The following PORCN variants were observed in gnomAD, a reference collection of about 807,000 sequenced individuals.
PORCN encodes the protein porcupine O-acyltransferase.
PORCN carries 1 observed loss-of-function variant against 43.0 expected under a neutral mutation model. That is an observed-to-expected ratio of 0.02 (90% confidence interval 0.01 to 0.11). The LOEUF (loss-of-function observed/expected upper bound fraction) is 0.11. Among genes scored for constraint, PORCN ranks in the 10% least tolerant of loss-of-function variants. The pLI is 1.00. For missense variants in PORCN, 240 were observed against 392.1 expected, an observed-to-expected ratio of 0.61 and a Z score of 3.28; for synonymous variants, 148 against 166.4, an observed-to-expected ratio of 0.89 and a Z score of 0.85.
intron 1 of PORCN, 113 bp from the exon 2 acceptor site, chrX:48,509,671 G>C: frequency 4.3e-6 from 5 of 1,153,705 alleles, no homozygotes; most frequent in Non-Finnish European, 5.8e-6. Context: ...CTCCAGTACC[G>C]TGCCTCTACA....
At position 48,516,072 on chromosome X, in the gene PORCN, C is replaced by A. The variant is rs1245335951; in HGVS notation, c.1099C>A (p.Arg367Ser). Residue 367 changes from arginine (R) to serine (S), a missense_variant, in exon 13 of 15, where the codon CGC becomes AGC. Arg to Ser is a moderately radical substitution (Grantham distance 110). Coordinates refer to ENST00000326194, the MANE Select transcript of PORCN (RefSeq NM_203475.3). ...ITYVEHVLRK[R>S]LARILSACVL... ...CCCCACCACCCTAGTCCTCCGGAAGCGCCTGGCTCGGATCCTCAGTGCCTG... is the reference window on the plus strand; with the variant it reads ...CCCCACCACCCTAGTCCTCCGGAAGAGCCTGGCTCGGATCCTCAGTGCCTG... The A allele has an allele frequency of 8.3e-7, 1 of 1,209,764 alleles. No homozygotes were observed. The highest frequency in any genetic ancestry group is 1.8e-5 in the African/African-American group (1 of 57,139).
chrX:48,516,217 G>A, intron 13 of PORCN, 71 bp downstream of exon 13: 1 of 1,012,860 alleles, frequency 9.9e-7, no homozygotes, highest in Non-Finnish European at 1.4e-6. Flanking sequence ...TCTCTATCTT[G>A]TATGTGTCTC....
chrX:48,512,809 CTTCT>C (rs781946023), intron 6 of PORCN, 22 bp from the exon 7 acceptor site: 10 of 1,212,379 alleles, frequency 8.2e-6, no homozygotes, highest in Non-Finnish European at 1.1e-5. Context: ...TCTCTTAATG[CTTCT>C]TTCTGTCTTC....
rs1470679248 is a variant in PORCN at position 48,514,591 on chromosome X, C to T, written c.912C>T (p.Ser304=). ...LPRSMVEVVT[S]WNLPMSYWLN... ...GGTCAATGGTGGAAGTTGTCACAAG[C>T]TGGAACCTGCCCATGTCTTATTGGC... The change falls in exon 10 of 15, where the codon AGC becomes AGT. Residue 304 remains serine, a synonymous_variant. Coordinates refer to ENST00000326194, the MANE Select transcript of PORCN (RefSeq NM_203475.3). The T allele has an allele frequency of 2.5e-6, 3 of 1,209,596 alleles. No individual in the cohort carries two copies. The highest frequency in any genetic ancestry group is 3.4e-6 in the Non-Finnish European group (3 of 894,405).
intron 2 of PORCN, 86 bp from the exon 3 acceptor site, chrX:48,511,209 C>G: frequency 2.4e-6 from 1 of 419,786 alleles, no homozygotes; most frequent in Non-Finnish European, 4.4e-6. Flanking sequence ...TCTCTCTCTC[C>G]CTCCCTCCCT....
chrX:48,516,780 G>A (rs1417236058), intron 13 of PORCN, among the ~76,000 whole-genome samples: 3 of 110,960 alleles, frequency 2.7e-5, no homozygotes, highest in Non-Finnish European at 5.7e-5. Flanking sequence ...GAGATGGGTG[G>A]GAGGCATGGG....
Position 48,510,158 on chromosome X carries a change from C to T in PORCN, c.136+202C>T, listed in dbSNP as rs1260120327. Among the ~76,000 whole-genome samples, 3 of 111,076 alleles carry T rather than the reference C, an allele frequency of 2.7e-5. No individual in the cohort carries two copies. The East Asian group carries it at 8.5e-4, about 31-fold the overall frequency. On this transcript the variant is annotated intron_variant, in intron 2 of 14. Transcript: ENST00000326194. ...CCACATCCTACTATGCCAGCCACCCCATGCCATGCCACACCGAGCCACATC... is the reference window on the plus strand; with the variant it reads ...CCACATCCTACTATGCCAGCCACCCTATGCCATGCCACACCGAGCCACATC...
rs1019599241 is a variant in PORCN at position 48,516,118 on chromosome X, C to T, written c.1145C>T (p.Pro382Leu). 7.4e-6 allele frequency: 9 copies of T among 1,211,525 alleles called. No individual in the cohort carries two copies. Among genetic ancestry groups the T allele is most frequent in the Middle Eastern group, 2.3e-4 (1 of 4,355 alleles). Residue 382 changes from proline to leucine, a missense_variant, in exon 13 of 15, where the codon CCG becomes CTG. Physicochemically the swap from Pro to Leu is moderately conservative, Grantham distance 98. Coordinates refer to ENST00000326194, the MANE Select transcript of PORCN (RefSeq NM_203475.3). Reference sequence around the variant, plus strand: ...GCCTGTGTCTTGTCAAAGCGGTGCCCGCCAGACTGTTCGCACCAGCATCGC... The same window carrying T: ...GCCTGTGTCTTGTCAAAGCGGTGCCTGCCAGACTGTTCGCACCAGCATCGC... ...LSACVLSKRCPPDCSHQHRLG... is the reference protein window; with the variant it reads ...LSACVLSKRCLPDCSHQHRLG...
intron 1 of PORCN, 195 bp downstream of exon 1, chrX:48,509,298 TGGGGATGAGATG>T: frequency 4.2e-6 from 1 of 236,648 alleles, no homozygotes. Context: ...TCTCGCCGGG[TGGGGATGAGATG>T]GGGGGCGCGG....
chrX:48,515,553 G>A (rs2061709392), intron 10 of PORCN, 164 bp from the exon 11 acceptor site: 1 of 501,378 alleles, frequency 2.0e-6, no homozygotes, highest in African/African-American at 2.3e-5. Flanking sequence ...GAGCAGGCTG[G>A]GAAGATCGGG....
At chrX:48,513,889 G>T (rs191793914) in intron 7 of PORCN, among the ~76,000 whole-genome samples, 396 of 112,681 alleles carry the variant, frequency 3.5e-3, no homozygotes, top group African/African-American at 0.012. Context: ...GCTGGCTTTG[G>T]CCGTCTGGCC....
At chrX:48,511,517 G>C (rs2061675620) in intron 3 of PORCN, 30 bp downstream of exon 3, 1 of 1,154,336 alleles carries the variant, frequency 8.7e-7, no homozygotes, top group Non-Finnish European at 1.2e-6. Context: ...TCCTCACACT[G>C]TTGGCTGAAG....
chrX:48,519,153 C>T (rs1357652461), intron 14 of PORCN, among the ~76,000 whole-genome samples: 1 of 111,098 alleles, frequency 9.0e-6, no homozygotes. Context: ...GACGGGGTTT[C>T]ACCATGTTAG....
In PORCN at chrX:48,517,175, C is replaced by T. The variant is rs1032817927; in HGVS notation, c.1174-8C>T. ...CAGTTGCCAAGTATATCCATCTGTC[C>T]CCCACAGGGCCTGGGGGTGCGAGCC... On this transcript the variant is annotated splice_region_variant and splice_polypyrimidine_tract_variant and intron_variant, in intron 13 of 14. Transcript: ENST00000326194. 2.6e-5 allele frequency: 30 copies of T among 1,154,493 alleles called. No homozygotes were observed. Among genetic ancestry groups the T allele is most frequent in the Non-Finnish European group, 3.4e-5 (29 of 861,831 alleles).
chrX:48,516,366 C>T, intron 13 of PORCN: 1 of 454,920 alleles, frequency 2.2e-6, no homozygotes, highest in South Asian at 3.1e-5. Flanking sequence ...CAGTGAACAT[C>T]CGTTGAGTGC....
rs1190977685 is a variant in PORCN at position 48,512,775 on chromosome X, G to A, written c.686+56G>A. The A allele has an allele frequency of 1.7e-5, 20 of 1,211,002 alleles. No homozygotes were observed. The East Asian group carries it at 3.6e-4, about 21-fold the overall frequency. On this transcript the variant is annotated intron_variant, in intron 6 of 14. Coordinates refer to ENST00000326194, the MANE Select transcript of PORCN (RefSeq NM_203475.3). ...CAATGAGGGGGTTGGGTAGGGACCCGCGGTTTCCCCAGTTCTGAGCCTGTC... is the reference window on the plus strand; with the variant it reads ...CAATGAGGGGGTTGGGTAGGGACCCACGGTTTCCCCAGTTCTGAGCCTGTC...
intron 4 of PORCN, 64 bp from the exon 5 acceptor site, chrX:48,512,262 A>C: frequency 8.7e-7 from 1 of 1,154,217 alleles, no homozygotes; most frequent in Admixed American, 2.2e-5. Context: ...CACCTGGTGC[A>C]CCTCCTCCTT....
intron 13 of PORCN, among the ~76,000 whole-genome samples, chrX:48,516,387 T>A (rs2061717709): frequency 8.9e-6 from 1 of 111,786 alleles, no homozygotes; most frequent in African/African-American, 3.3e-5. Context: ...CTGTTGGTGC[T>A]CTAGGTGCTG....
chrX:48,509,346 G>T, intron 1 of PORCN: 2 of 231,654 alleles, frequency 8.6e-6, no homozygotes, highest in South Asian at 5.6e-5. Flanking sequence ...CCCCCTCCCC[G>T]TGCCGCCGCA....
Sources: gnomAD v4.1 joint callset for allele counts (sites outside exome capture counted in the v4.1 genomes callset) on GRCh38, gnomAD v4.1.1 for gene constraint, MANE v1.5 for transcripts, NCBI Gene and HGNC (gene_info 2026-07-23, HGNC 2026-07-21) for gene names.